FGGY: variants seen among roughly 807,000 people sequenced by gnomAD.
FGGY encodes the protein FGGY carbohydrate kinase domain-containing protein.
Under a neutral mutation model 71.3 loss-of-function variants are expected in FGGY, and 72 were observed. The ratio of observed to expected loss-of-function variants is 1.01; its 90% CI spans 0.84 to 1.23. The LOEUF is 1.23. FGGY is among the 50% of genes most tolerant of loss of function. FGGY has a pLI of 0.00. For synonymous variants in FGGY, 251 were observed against 250.3 expected (o/e 1.00, Z -0.02); for missense variants, 668 against 682.3 (o/e 0.98, Z 0.23).
At chr1:59,567,524 A>G (rs1174883514) in intron 8 of FGGY, among the ~76,000 whole-genome samples, 1 of 152,034 alleles carries the variant, frequency 6.6e-6, no homozygotes, top group Non-Finnish European at 1.5e-5. Context: ...GACATACAGC[A>G]GTCTTGGGGC....
intron 13 of FGGY, among the ~76,000 whole-genome samples, chr1:59,668,350 G>C (rs948655577): frequency 4.6e-5 from 7 of 152,160 alleles, no homozygotes; most frequent in Non-Finnish European, 1.0e-4. Flanking sequence ...GGTACCACCA[G>C]GGCAGGGCAA....
rs1181414131 is a variant in FGGY, at chr1:59,752,266, T to C, written c.1513-5665T>C. 2.0e-5 allele frequency among the ~76,000 whole-genome samples: 3 copies of C among 152,378 alleles called. No individual in the cohort carries two copies. In the East Asian group the frequency reaches 5.8e-4, roughly 29 times the overall value. On this transcript the variant is annotated intron_variant, in intron 14 of 15. Coordinates refer to ENST00000303721, the MANE Select transcript of FGGY (RefSeq NM_018291.5). ...CCATCACTTTTTCCTTTGGCAACTC[T>C]GCAAACACTAACCAAGCACCTGTAA...
chr1:59,340,737 G>A (rs896164895), intron 3 of FGGY, among the ~76,000 whole-genome samples: 2 of 152,124 alleles, frequency 1.3e-5, no homozygotes, highest in African/African-American at 2.4e-5. Context: ...AAACCCGAAA[G>A]TCTATTAATA....
intron 6 of FGGY, among the ~76,000 whole-genome samples, chr1:59,457,913 C>T (rs758307479): frequency 2.6e-5 from 4 of 152,144 alleles, no homozygotes; most frequent in African/African-American, 9.7e-5. Flanking sequence ...TCTTCTATGT[C>T]CCAAGCACAT....
intron 8 of FGGY, among the ~76,000 whole-genome samples, chr1:59,567,681 G>T (rs1177612195): frequency 6.6e-6 from 1 of 151,652 alleles, no homozygotes; most frequent in Non-Finnish European, 1.5e-5. Context: ...AAGAAGAGGT[G>T]CCCACAGATA....
intron 8 of FGGY, among the ~76,000 whole-genome samples, chr1:59,604,949 A>T (rs1431634084): frequency 6.6e-6 from 1 of 152,152 alleles, no homozygotes; most frequent in Non-Finnish European, 1.5e-5. Context: ...ACGTGATAAA[A>T]TTTTCACTGG....
chr1:59,688,806 G>C (rs1464352287), intron 14 of FGGY, among the ~76,000 whole-genome samples: 1 of 150,470 alleles, frequency 6.6e-6, no homozygotes, highest in Non-Finnish European at 1.5e-5. Flanking sequence ...CTGGAGTGCA[G>C]TGGCGCAATC....
chr1:59,625,850 A>G, intron 9 of FGGY, 138 bp from the exon 10 acceptor site: 1 of 543,176 alleles, frequency 1.8e-6, no homozygotes. Flanking sequence ...CACTCTTGCT[A>G]CATTGGCATT....
intron 14 of FGGY, chr1:59,755,856 C>T (rs1412427736): frequency 6.6e-6 from 1 of 152,128 alleles, no homozygotes; most frequent in Non-Finnish European, 1.5e-5. Flanking sequence ...AGGAGCATTC[C>T]CTGAGGGCAG....
At chr1:59,569,942 T>A (rs2095952411) in intron 8 of FGGY, among the ~76,000 whole-genome samples, 1 of 152,194 alleles carries the variant, frequency 6.6e-6, no homozygotes, top group Non-Finnish European at 1.5e-5. Flanking sequence ...TGGTTCATCT[T>A]CATTTACTCA....
chr1:59,746,183 T>C (rs893752567), intron 14 of FGGY, among the ~76,000 whole-genome samples: 4 of 152,146 alleles, frequency 2.6e-5, no homozygotes, highest in African/African-American at 9.7e-5. Flanking sequence ...GTGACAGCAG[T>C]GAGATGCAGG....
chr1:59,385,030 T>G (rs1161653301), intron 5 of FGGY, among the ~76,000 whole-genome samples: 1 of 152,182 alleles, frequency 6.6e-6, no homozygotes, highest in Non-Finnish European at 1.5e-5. Flanking sequence ...GAGGGTCTTT[T>G]TTAAAAATAC....
intron 11 of FGGY, among the ~76,000 whole-genome samples, chr1:59,653,325 G>A (rs2097184713): frequency 6.6e-6 from 1 of 152,216 alleles, no homozygotes. Flanking sequence ...AGCAAGCCTG[G>A]GCAATGGCGG....
intron 14 of FGGY, among the ~76,000 whole-genome samples, chr1:59,748,978 G>A (rs765811471): frequency 2.6e-5 from 4 of 152,118 alleles, no homozygotes; most frequent in South Asian, 4.1e-4. Context: ...GTCAATCACC[G>A]ATGGCCAATG....
chr1:59,472,609 T>C (rs6587861), intron 6 of FGGY, among the ~76,000 whole-genome samples: 62,073 of 151,950 alleles, frequency 0.41, 12,853 homozygotes, highest in Middle Eastern at 0.5. Flanking sequence ...ATACACCAAT[T>C]GGCACTCTGT....
chr1:59,604,697 A>C (rs1451704363), intron 8 of FGGY, among the ~76,000 whole-genome samples: 3 of 152,232 alleles, frequency 2.0e-5, no homozygotes, highest in Non-Finnish European at 2.9e-5. Flanking sequence ...CATCTGCCTC[A>C]GTTGAAATCC....
chr1:59,592,515 G>A (rs2096462158), intron 8 of FGGY, among the ~76,000 whole-genome samples: 1 of 152,160 alleles, frequency 6.6e-6, no homozygotes, highest in South Asian at 2.1e-4. Context: ...ATTCACAATA[G>A]CAAAGACTTG....
intron 5 of FGGY, among the ~76,000 whole-genome samples, chr1:59,394,612 G>C (rs1331825345): frequency 6.6e-6 from 1 of 152,044 alleles, no homozygotes; most frequent in Non-Finnish European, 1.5e-5. Flanking sequence ...TTTATTATTT[G>C]TTGCTGGCGT....
intron 10 of FGGY, among the ~76,000 whole-genome samples, chr1:59,633,246 G>A (rs1054941894): frequency 5.9e-5 from 9 of 152,204 alleles, no homozygotes; most frequent in Admixed American, 1.3e-4. Context: ...TCCTGACCTC[G>A]TGGTCTGCCC....
Sources: allele counts gnomAD v4.1 joint callset (sites outside exome capture counted in the v4.1 genomes callset), GRCh38; gene constraint gnomAD v4.1.1; transcripts MANE v1.5; gene names NCBI Gene and HGNC (gene_info 2026-07-23, HGNC 2026-07-21).